The following NBAS variants were observed in gnomAD, a reference collection of about 807,000 sequenced individuals.
NBAS encodes NAG/BC035112 fusion.
Under a neutral mutation model 302.5 loss-of-function variants are expected in NBAS, and 219 were observed. The ratio of observed to expected loss-of-function variants is 0.72; its 90% confidence interval spans 0.65 to 0.81. The LOEUF is 0.81. Ranked by LOEUF, NBAS falls within the 30% of genes least tolerant of loss-of-function variation. The pLI is 0.00. For missense variants in NBAS, 2,932 were observed against 2,841.6 expected, an observed-to-expected ratio of 1.03 and a Z score of -0.72; for synonymous variants, 1,118 against 1,021.6, an observed-to-expected ratio of 1.09 and a Z score of -1.80.
the NBAS span, among the ~76,000 whole-genome samples, chr2:14,831,751 C>T: frequency 6.6e-6 from 1 of 152,166 alleles, no homozygotes; most frequent in African/African-American, 2.4e-5. Context: ...CTTCACTTCT[C>T]TTAACTCTAG....
At chr2:14,801,347 T>C in the NBAS span, among the ~76,000 whole-genome samples, 1 of 152,152 alleles carries the variant, frequency 6.6e-6, no homozygotes, top group African/African-American at 2.4e-5. Flanking sequence ...ATAGCTCTGT[T>C]CATTTTAAAA....
chr2:15,134,282 T>C, the NBAS span, among the ~76,000 whole-genome samples: 1 of 152,066 alleles, frequency 6.6e-6, no homozygotes, highest in Non-Finnish European at 1.5e-5. Flanking sequence ...GAGGAAACAA[T>C]GAGAACTCAG....
chr2:15,456,640 A>T (rs1052396949), intron 21 of NBAS, among the ~76,000 whole-genome samples: 1 of 152,216 alleles, frequency 6.6e-6, no homozygotes, highest in Non-Finnish European at 1.5e-5. Context: ...GCAATATTCT[A>T]ACTGCAGGAG....
chr2:14,797,545 A>G, the NBAS span, among the ~76,000 whole-genome samples: 1 of 152,114 alleles, frequency 6.6e-6, no homozygotes, highest in Non-Finnish European at 1.5e-5. Flanking sequence ...GGTTCCTGGC[A>G]TCTCTGAGTG....
the NBAS span, among the ~76,000 whole-genome samples, chr2:14,938,202 A>G: frequency 6.6e-6 from 1 of 152,234 alleles, no homozygotes; most frequent in South Asian, 2.1e-4. Flanking sequence ...AAAGCATTAT[A>G]TAAATGTTAG....
chr2:14,948,697 C>T, the NBAS span, among the ~76,000 whole-genome samples: 236 of 151,204 alleles, frequency 1.6e-3, no homozygotes, highest in African/African-American at 4.8e-3. Context: ...ATGCAATCCT[C>T]GTCAAAATAC....
intron 30 of NBAS, among the ~76,000 whole-genome samples, chr2:15,375,521 G>A (rs1350266157): frequency 2.6e-5 from 4 of 152,088 alleles, no homozygotes; most frequent in African/African-American, 9.7e-5. Flanking sequence ...ACAGATACAG[G>A]CCAAGCCTGC....
At chr2:15,213,369 T>C (rs1666508376) in intron 48 of NBAS, among the ~76,000 whole-genome samples, 1 of 152,232 alleles carries the variant, frequency 6.6e-6, no homozygotes, top group African/African-American at 2.4e-5. Context: ...AGTTAACATA[T>C]ATAGTACCAT....
At chr2:15,493,762 G>C (rs1680959483) in intron 11 of NBAS, among the ~76,000 whole-genome samples, 1 of 149,686 alleles carries the variant, frequency 6.7e-6, no homozygotes, top group African/African-American at 2.5e-5. Context: ...TAATAATCTT[G>C]TTCTCTTCTT....
At chr2:14,980,682 C>A in the NBAS span, among the ~76,000 whole-genome samples, 1 of 151,922 alleles carries the variant, frequency 6.6e-6, no homozygotes, top group African/African-American at 2.4e-5. Context: ...AAAAAAATCA[C>A]TAGATATGAA....
the NBAS span, among the ~76,000 whole-genome samples, chr2:15,018,818 A>C: frequency 2.0e-5 from 3 of 152,124 alleles, no homozygotes; most frequent in African/African-American, 7.2e-5. Context: ...TCAGATAAAA[A>C]CGCTTTTCTT....
At chr2:15,461,117 T>G (rs1186124290) in intron 21 of NBAS, 84 bp downstream of exon 21, 1 of 1,232,154 alleles carries the variant, frequency 8.1e-7, no homozygotes, top group East Asian at 2.5e-5. Context: ...TAAAATTATT[T>G]TTTTTAACTT....
chr2:15,226,927 A>C (rs1667173501), intron 47 of NBAS, among the ~76,000 whole-genome samples: 2 of 152,110 alleles, frequency 1.3e-5, no homozygotes, highest in African/African-American at 2.4e-5. Flanking sequence ...ATTGCTCTGA[A>C]TAGAACTTCT....
chr2:15,100,429 A>G, the NBAS span, among the ~76,000 whole-genome samples: 1 of 152,214 alleles, frequency 6.6e-6, no homozygotes, highest in African/African-American at 2.4e-5. Flanking sequence ...GGGTGCACAT[A>G]GTATCACAGA....
At chr2:15,300,909 G>A (rs1003177446) in intron 40 of NBAS, among the ~76,000 whole-genome samples, 1 of 152,198 alleles carries the variant, frequency 6.6e-6, no homozygotes, top group African/African-American at 2.4e-5. Flanking sequence ...CATGTGCACA[G>A]AGGCACAACA....
the NBAS span, among the ~76,000 whole-genome samples, chr2:14,882,844 T>C: frequency 6.6e-6 from 1 of 152,170 alleles, no homozygotes; most frequent in Admixed American, 6.5e-5. Context: ...TTAATGATCG[T>C]GTCAAAAATG....
At chr2:15,149,450 C>T in the NBAS span, among the ~76,000 whole-genome samples, 2 of 152,130 alleles carry the variant, frequency 1.3e-5, no homozygotes, top group African/African-American at 4.8e-5. Context: ...ACCTCTGATC[C>T]TATTTTGGTT....
chr2:15,498,132 C>G (rs1435075659), intron 11 of NBAS, among the ~76,000 whole-genome samples: 1 of 152,084 alleles, frequency 6.6e-6, no homozygotes, highest in Non-Finnish European at 1.5e-5. Context: ...TATACAGAAA[C>G]GGGAAGTAGC....
Position 15,475,879 on chromosome 2 carries a change from A to C in NBAS, c.1149T>G (p.Asp383Glu). The C allele has an allele frequency of 6.2e-7, 1 of 1,611,712 alleles. No homozygotes were observed. Among genetic ancestry groups the C allele is most frequent in the Non-Finnish European group, 8.5e-7 (1 of 1,178,106 alleles). The change falls in exon 14 of 52, where the codon GAT becomes GAG. Residue 383 changes from aspartate (D) to glutamate (E), a missense_variant and splice_region_variant. Physicochemically the swap from Asp to Glu is conservative, Grantham distance 45. Transcript: ENST00000281513. Reference sequence around the variant, plus strand: ...CTATCAGTGGGTAAAAGGACTCTTTATCTAAGAAGCGAAAAACAAATCAAT... The same window carrying C: ...CTATCAGTGGGTAAAAGGACTCTTTCTCTAAGAAGCGAAAAACAAATCAAT... ...LSTEKRKKIK[D>E]KESFYPLIDV... is the part of the protein sequence containing the mutation.
Sources: gnomAD v4.1 joint callset for allele counts (sites outside exome capture counted in the v4.1 genomes callset) on GRCh38, gnomAD v4.1.1 for gene constraint, MANE v1.5 for transcripts, NCBI Gene and HGNC (gene_info 2026-07-23, HGNC 2026-07-21) for gene names.